Variants in SLC35D4 observed in about 807,000 individuals in gnomAD.
SLC35D4 encodes the protein UDP-N-acetylglucosamine transporter SLC35D4.
chr18:23,348,102 A>G, the SLC35D4 span, among the ~76,000 whole-genome samples: 1 of 152,236 alleles, frequency 6.6e-6, no homozygotes, highest in African/African-American at 2.4e-5. Flanking sequence ...CCTACAAACT[A>G]TTTAGAAGTA....
chr18:23,313,216 G>T, the SLC35D4 span, among the ~76,000 whole-genome samples: 1 of 148,712 alleles, frequency 6.7e-6, no homozygotes, highest in African/African-American at 2.5e-5. Context: ...GCTTGGTACT[G>T]GCTTCCTTTT....
At chr18:23,379,367 G>T in the SLC35D4 span, among the ~76,000 whole-genome samples, 4 of 152,178 alleles carry the variant, frequency 2.6e-5, 1 homozygote, top group Admixed American at 2.6e-4. Flanking sequence ...CAAGTGATCT[G>T]CCTGCCTTTG....
At chr18:23,309,896 C>A in the SLC35D4 span, 2 of 749,412 alleles carry the variant, frequency 2.7e-6, no homozygotes, top group South Asian at 3.2e-5. Flanking sequence ...CCACACGCTT[C>A]CTAGTCAGCC....
the SLC35D4 span, among the ~76,000 whole-genome samples, chr18:23,334,403 T>A: frequency 2.2e-4 from 34 of 152,170 alleles, no homozygotes; most frequent in African/African-American, 7.7e-4. Context: ...CCCCACACAA[T>A]CCTCCCCTTC....
the SLC35D4 span, among the ~76,000 whole-genome samples, chr18:23,268,522 T>G: frequency 5.3e-5 from 8 of 152,102 alleles, no homozygotes; most frequent in East Asian, 3.9e-4. Flanking sequence ...GTTCCCCAGG[T>G]GATGTTTCTC....
the SLC35D4 span, among the ~76,000 whole-genome samples, chr18:23,362,949 T>G: frequency 6.6e-6 from 1 of 152,016 alleles, no homozygotes; most frequent in East Asian, 1.9e-4. Flanking sequence ...TAGGTAAAAA[T>G]TATTCACCCA....
the SLC35D4 span, among the ~76,000 whole-genome samples, chr18:23,321,511 T>C: frequency 6.6e-6 from 1 of 151,882 alleles, no homozygotes; most frequent in Non-Finnish European, 1.5e-5. Context: ...GGCTGGAGTA[T>C]AGTGTGCAAT....
chr18:23,366,974 C>G, the SLC35D4 span, among the ~76,000 whole-genome samples: 1 of 152,180 alleles, frequency 6.6e-6, no homozygotes, highest in Non-Finnish European at 1.5e-5. Flanking sequence ...GCTTCCATCT[C>G]ACCTTTCTTT....
At chr18:23,331,094 G>A in the SLC35D4 span, 1 of 152,276 alleles carries the variant, frequency 6.6e-6, no homozygotes, top group African/African-American at 2.4e-5. Flanking sequence ...GCAGAGCCCC[G>A]GAACAGCGGT....
At chr18:23,310,112 A>T in the SLC35D4 span, 1 of 622,106 alleles carries the variant, frequency 1.6e-6, no homozygotes, top group Non-Finnish European at 2.0e-6. Context: ...GCAGTGCAGA[A>T]CTCGTCTCCA....
chr18:23,327,867 G>A, the SLC35D4 span, among the ~76,000 whole-genome samples: 15 of 152,196 alleles, frequency 9.9e-5, no homozygotes, highest in South Asian at 4.2e-4. Context: ...TGATCAAGTC[G>A]GCTTCATCCC....
At chr18:23,321,909 C>T in the SLC35D4 span, among the ~76,000 whole-genome samples, 2 of 152,184 alleles carry the variant, frequency 1.3e-5, no homozygotes, top group South Asian at 4.1e-4. Flanking sequence ...AGCCTTTTTC[C>T]CTTCGGATAC....
the SLC35D4 span, among the ~76,000 whole-genome samples, chr18:23,415,403 G>A: frequency 4.6e-5 from 7 of 152,124 alleles, no homozygotes; most frequent in East Asian, 3.8e-4. Context: ...TATAACAGAC[G>A]AAAAGTGGCA....
At chr18:23,434,790 C>G in the SLC35D4 span, among the ~76,000 whole-genome samples, 1 of 145,218 alleles carries the variant, frequency 6.9e-6, no homozygotes, top group Non-Finnish European at 1.5e-5. Flanking sequence ...GACCCTGTCT[C>G]AAAAAACAAA....
the SLC35D4 span, among the ~76,000 whole-genome samples, chr18:23,281,372 G>A: frequency 6.6e-6 from 1 of 152,072 alleles, no homozygotes; most frequent in African/African-American, 2.4e-5. Context: ...ACCCAGGATG[G>A]AGTGCAGTGG....
chr18:23,349,046 A>G, the SLC35D4 span, among the ~76,000 whole-genome samples: 2 of 152,198 alleles, frequency 1.3e-5, no homozygotes, highest in African/African-American at 4.8e-5. Context: ...CACTAATTGC[A>G]CTGTTGTTCC....
the SLC35D4 span, among the ~76,000 whole-genome samples, chr18:23,241,295 G>A: frequency 6.6e-5 from 10 of 152,176 alleles, no homozygotes; most frequent in African/African-American, 2.4e-4. Flanking sequence ...GCCGAGGTGG[G>A]TAAGGTGGGG....
At chr18:23,328,181 A>C in the SLC35D4 span, among the ~76,000 whole-genome samples, 1 of 152,228 alleles carries the variant, frequency 6.6e-6, no homozygotes, top group Non-Finnish European at 1.5e-5. Flanking sequence ...CCTGTTCAAC[A>C]TAGTGTTGGA....
the SLC35D4 span, among the ~76,000 whole-genome samples, chr18:23,386,124 CAAAAAAAAAAAAA>C: frequency 4.9e-5 from 2 of 41,132 alleles, no homozygotes; most frequent in African/African-American, 9.2e-5. Context: ...GACTCTGTCT[CAAAAAAAAAAAAA>C]AAAAAAAAAA....
Sources: allele counts gnomAD v4.1 joint callset (sites outside exome capture counted in the v4.1 genomes callset), GRCh38; gene constraint gnomAD v4.1.1; transcripts MANE v1.5; gene names NCBI Gene and HGNC (gene_info 2026-07-23, HGNC 2026-07-21).